MYCBP2: variants seen among roughly 807,000 people sequenced by gnomAD.
MYCBP2 encodes E3 ubiquitin-protein ligase MYCBP2.
MYCBP2 carries 120 observed loss-of-function variants against 525.3 expected under a neutral mutation model. That is an observed-to-expected ratio of 0.23 (90% CI 0.20 to 0.27). The LOEUF is 0.27. Ranked by LOEUF, MYCBP2 falls within the 10% of genes least tolerant of loss-of-function variation. MYCBP2 has a pLI of 1.00. For synonymous variants in MYCBP2, 1,894 were observed against 1,955.8 expected, an observed-to-expected ratio of 0.97 and a Z score of 0.83; for missense variants, 4,149 against 5,657.1, an observed-to-expected ratio of 0.73 and a Z score of 8.55.
intron 23 of MYCBP2, 70 bp downstream of exon 23, chr13:77,211,095 TAA>T (rs2063947637): frequency 8.2e-7 from 1 of 1,220,728 alleles, no homozygotes; most frequent in Non-Finnish European, 1.1e-6. Context: ...CACCTGTAAA[TAA>T]AGTTTATATT....
chr13:77,094,169 G>C (rs1380260501), intron 58 of MYCBP2, among the ~76,000 whole-genome samples: 1 of 152,128 alleles, frequency 6.6e-6, no homozygotes, highest in African/African-American at 2.4e-5. Context: ...GCTACACAAA[G>C]AGGACAATTT....
chr13:77,204,599 G>A (rs2154274421), intron 26 of MYCBP2, among the ~76,000 whole-genome samples: 1 of 123,368 alleles, frequency 8.1e-6, no homozygotes, highest in Middle Eastern at 3.7e-3. Context: ...ACATGCACAC[G>A]TATGTTTATT....
chr13:77,115,766 T>C (rs1454356504), intron 55 of MYCBP2, among the ~76,000 whole-genome samples: 1 of 151,744 alleles, frequency 6.6e-6, no homozygotes, highest in East Asian at 1.9e-4. Context: ...TTGATGTGTG[T>C]CTTTGTAGAA....
At chr13:77,241,189 AAAG>A (rs1196084184) in intron 17 of MYCBP2, among the ~76,000 whole-genome samples, 2 of 152,226 alleles carry the variant, frequency 1.3e-5, no homozygotes, top group Non-Finnish European at 2.9e-5. Context: ...ATAAATGGCA[AAAG>A]AATATTCTGC....
At chr13:77,091,099 G>T (rs955582697) in intron 59 of MYCBP2, among the ~76,000 whole-genome samples, 9 of 152,062 alleles carry the variant, frequency 5.9e-5, no homozygotes, top group Non-Finnish European at 1.3e-4. Context: ...ATTCAAGCCA[G>T]GTTTGAAATC....
chr13:77,058,202 T>TA lies in MYCBP2; in HGVS notation c.13329+15dup. 6.2e-7 allele frequency: 1 copy of TA among 1,611,372 alleles called. No individual in the cohort carries two copies. Among genetic ancestry groups the TA allele is most frequent in the Non-Finnish European group, 8.5e-7 (1 of 1,178,584 alleles). The stretch of plus-strand genomic sequence containing the variant: ...TAATGTCTGGATACATTCAATACTT[T>TA]AAAAGCTGAGGCAACCTGAATGGCT... On this transcript the variant is annotated intron_variant, in intron 78 of 82. Transcript: ENST00000544440. This position sits in a 1 kb window ranked among gnomAD's most constrained non-coding sequence, Gnocchi z 4.1.
intron 32 of MYCBP2, among the ~76,000 whole-genome samples, chr13:77,183,888 T>G (rs1387112980): frequency 6.6e-6 from 1 of 152,200 alleles, no homozygotes; most frequent in Non-Finnish European, 1.5e-5. Flanking sequence ...TCATGTTTTT[T>G]CTTTCTCTCT....
chr13:77,317,096 C>T (rs9530635), intron 1 of MYCBP2, among the ~76,000 whole-genome samples: 25,178 of 152,012 alleles, frequency 0.17, 2,415 homozygotes, highest in South Asian at 0.4. Flanking sequence ...ATTACAAGCA[C>T]GCGCCAACAT....
chr13:77,139,909 T>G, intron 51 of MYCBP2, 138 bp downstream of exon 51: 3 of 543,304 alleles, frequency 5.5e-6, no homozygotes, highest in East Asian at 3.0e-5. Context: ...ATGAACACAT[T>G]CTATAAAATA....
At chr13:77,154,749 G>A (rs2057003578) in intron 46 of MYCBP2, among the ~76,000 whole-genome samples, 2 of 152,010 alleles carry the variant, frequency 1.3e-5, no homozygotes, top group South Asian at 2.1e-4. Context: ...GTATTGTACT[G>A]TGATCAAAAA....
In MYCBP2 at chr13:77,306,445, A is replaced by G. The variant is rs968146548; in HGVS notation, c.303-9771T>C. Among the ~76,000 whole-genome samples the G allele has an allele frequency of 4.0e-4, 61 of 152,310 alleles. 1 individual carries two copies. Among genetic ancestry groups the G allele is most frequent in the Non-Finnish European group, 5.3e-4 (36 of 68,016 alleles). On this transcript the variant is annotated intron_variant, in intron 1 of 82. Coordinates refer to ENST00000544440, the MANE Select transcript of MYCBP2 (RefSeq NM_015057.5). ...AGAGATGAAAACAGATTTCTTATATATAGCTTCAGTCTCTTGATCTTATTT... is the reference window on the plus strand; with the variant it reads ...AGAGATGAAAACAGATTTCTTATATGTAGCTTCAGTCTCTTGATCTTATTT...
At position 77,107,010 on chromosome 13, in the gene MYCBP2, C is replaced by T. The variant is rs117967756; in HGVS notation, c.8141-7997G>A. On this transcript the variant is annotated intron_variant, in intron 55 of 82. Transcript: ENST00000544440. ...ATTCTGTTCATGCTATACATACCTA[C>T]GTTTATGTATTTATATATATTTCTT... is the stretch of plus-strand genomic sequence containing the variant. 3.0e-4 allele frequency among the ~76,000 whole-genome samples: 46 copies of T among 152,204 alleles called. 1 individual carries two copies. The highest frequency in any genetic ancestry group is 9.8e-4 in the Admixed American group (15 of 15,268).
chr13:77,321,529 A>G (rs1567256397), intron 1 of MYCBP2, among the ~76,000 whole-genome samples: 3 of 152,336 alleles, frequency 2.0e-5, no homozygotes, highest in East Asian at 1.9e-4. Context: ...AATAAAATCT[A>G]ATTCTTACCT....
intron 1 of MYCBP2, among the ~76,000 whole-genome samples, chr13:77,317,791 G>T (rs1350596672): frequency 6.6e-6 from 1 of 152,116 alleles, no homozygotes; most frequent in Non-Finnish European, 1.5e-5. Context: ...ACAAAAATTA[G>T]CTGGGCGTGG....
intron 55 of MYCBP2, among the ~76,000 whole-genome samples, chr13:77,114,150 A>G (rs1044575521): frequency 3.3e-5 from 5 of 152,132 alleles, no homozygotes; most frequent in Non-Finnish European, 7.4e-5. Flanking sequence ...ATACATTAAG[A>G]ATCTTAAAAT....
At chr13:77,183,365 A>G (rs2060397105) in intron 32 of MYCBP2, among the ~76,000 whole-genome samples, 1 of 151,934 alleles carries the variant, frequency 6.6e-6, no homozygotes, top group South Asian at 2.1e-4. Flanking sequence ...TGGACTTGAA[A>G]TTTTCTTTGT....
intron 49 of MYCBP2, among the ~76,000 whole-genome samples, chr13:77,143,001 T>C (rs868006775): frequency 2.0e-5 from 3 of 152,194 alleles, no homozygotes; most frequent in Admixed American, 6.5e-5. Context: ...CAGAAACCCC[T>C]TTCCTTGAGG....
chr13:77,285,169 G>A (rs2076603034), intron 3 of MYCBP2, among the ~76,000 whole-genome samples: 1 of 152,060 alleles, frequency 6.6e-6, no homozygotes, highest in Admixed American at 6.5e-5. Context: ...CATTGTTCTT[G>A]TTTATGCAAT....
chr13:77,276,816 G>GTTT (rs397851660), intron 4 of MYCBP2, among the ~76,000 whole-genome samples: 852 of 76,092 alleles, frequency 0.011, 25 homozygotes, highest in African/African-American at 0.031. Flanking sequence ...TCCATGCCCA[G>GTTT]TTTTTTTTTT....
Sources: allele counts gnomAD v4.1 joint callset (sites outside exome capture counted in the v4.1 genomes callset), GRCh38; gene constraint gnomAD v4.1.1; non-coding constraint Gnocchi (gnomAD v3.1); transcripts MANE v1.5; gene names NCBI Gene and HGNC (gene_info 2026-07-23, HGNC 2026-07-21).